The following PDE4B variants were observed in gnomAD, a reference collection of about 807,000 sequenced individuals.
PDE4B encodes phosphodiesterase 4B.
Under a neutral mutation model 82.2 loss-of-function variants are expected in PDE4B, and 20 were observed. The ratio of observed to expected loss-of-function variants is 0.24; its 90% CI spans 0.17 to 0.35. The LOEUF is 0.35. PDE4B is among the 10% of genes least tolerant of loss of function. The probability of loss-of-function intolerance (pLI) is 1.00; values close to 1 mark genes in which losing one functional copy is unlikely to be tolerated. For synonymous variants in PDE4B, 320 were observed against 318.9 expected (o/e 1.00, Z -0.04); for missense variants, 655 against 907.2 (o/e 0.72, Z 3.57).
chr1:66,113,966 A>G (rs992224486), intron 3 of PDE4B, among the ~76,000 whole-genome samples: 1 of 152,216 alleles, frequency 6.6e-6, no homozygotes, highest in Non-Finnish European at 1.5e-5. Context: ...ACGAATTGCT[A>G]TGGCCTGAAT....
chr1:66,340,883 A>G (rs902937477), intron 8 of PDE4B, among the ~76,000 whole-genome samples: 2 of 152,228 alleles, frequency 1.3e-5, no homozygotes, highest in Non-Finnish European at 2.9e-5. Context: ...ACTCAATTAT[A>G]TAGGCTATGC....
intron 3 of PDE4B, among the ~76,000 whole-genome samples, chr1:65,931,350 G>A (rs1389400727): frequency 6.6e-6 from 1 of 152,108 alleles, no homozygotes; most frequent in Non-Finnish European, 1.5e-5. Context: ...ATACAAAAAG[G>A]TATACAGTTT....
chr1:66,078,171 C>T (rs1656526063), intron 3 of PDE4B, among the ~76,000 whole-genome samples: 1 of 150,972 alleles, frequency 6.6e-6, no homozygotes, highest in Non-Finnish European at 1.5e-5. Flanking sequence ...AGACTGCTTT[C>T]TACCTTGCTT....
chr1:65,819,605 T>C (rs1319317216), intron 1 of PDE4B, among the ~76,000 whole-genome samples: 2 of 151,144 alleles, frequency 1.3e-5, no homozygotes, highest in African/African-American at 2.4e-5. Context: ...GGGTTCACGC[T>C]ATTCTCCTGC....
At chr1:66,345,068 G>T (rs492040) in intron 8 of PDE4B, among the ~76,000 whole-genome samples, 16 of 152,078 alleles carry the variant, frequency 1.1e-4, no homozygotes, top group Non-Finnish European at 2.2e-4. Flanking sequence ...CTGTGTTCTC[G>T]TATGACACTC....
intron 6 of PDE4B, among the ~76,000 whole-genome samples, chr1:66,262,357 G>A (rs1046570819): frequency 2.6e-5 from 4 of 152,192 alleles, no homozygotes; most frequent in African/African-American, 4.8e-5. Flanking sequence ...CTCAAGTGAG[G>A]AAGAAACTAG....
At chr1:66,229,087 T>A (rs1429356671) in intron 3 of PDE4B, among the ~76,000 whole-genome samples, 1 of 152,012 alleles carries the variant, frequency 6.6e-6, no homozygotes, top group Non-Finnish European at 1.5e-5. Flanking sequence ...GGCTCACTGC[T>A]AGCTCTGCCT....
Position 65,918,673 on chromosome 1 carries a change from G to A in PDE4B, c.119G>A (p.Trp40Ter). The change falls in exon 3 of 17, where the codon TGG (tryptophan) becomes TAG (stop). Residue 40 changes from tryptophan (W) to a stop codon, truncating the protein, a stop_gained. Coordinates refer to ENST00000341517, the MANE Select transcript of PDE4B (RefSeq NM_002600.4). LOFTEE classifies it high-confidence loss of function. The part of the protein sequence containing the change: ...SSSNTLGIDL[W>*]RGRRCCSGNL... ...AGTAACACACTTGGGATCGACCTCT[G>A]GAGAGGGAGAAGGTGTTGCTCAGGA... 1 of 1,613,846 alleles carries A rather than the reference G, an allele frequency of 6.2e-7. No individual in the cohort carries two copies. Among genetic ancestry groups the A allele is most frequent in the Non-Finnish European group, 8.5e-7 (1 of 1,179,758 alleles).
intron 3 of PDE4B, among the ~76,000 whole-genome samples, chr1:66,115,249 C>T (rs180685352): frequency 6.6e-6 from 1 of 152,326 alleles, no homozygotes; most frequent in Non-Finnish European, 1.5e-5. Context: ...TTCTTGCTTA[C>T]TTTCGGGTCA....
chr1:65,880,866 A>C (rs1291753313), intron 1 of PDE4B, among the ~76,000 whole-genome samples: 1 of 152,174 alleles, frequency 6.6e-6, no homozygotes, highest in Non-Finnish European at 1.5e-5. Context: ...GGGAAAATGA[A>C]GAGTAATTGA....
chr1:65,838,214 A>G (rs1438849064), intron 1 of PDE4B, among the ~76,000 whole-genome samples: 1 of 152,078 alleles, frequency 6.6e-6, no homozygotes, highest in Non-Finnish European at 1.5e-5. Flanking sequence ...AAGAACGGAC[A>G]TTATTTTTCA....
intron 3 of PDE4B, among the ~76,000 whole-genome samples, chr1:66,221,832 C>T (rs1250418532): frequency 6.6e-6 from 1 of 151,860 alleles, no homozygotes; most frequent in Non-Finnish European, 1.5e-5. Context: ...TTATTGAAAG[C>T]TTATTGAATC....
chr1:65,846,158 A>T (rs1338871609), intron 1 of PDE4B, among the ~76,000 whole-genome samples: 1 of 152,196 alleles, frequency 6.6e-6, no homozygotes, highest in African/African-American at 2.4e-5. Flanking sequence ...CCCAGGAAGC[A>T]TCCAATCAGG....
chr1:65,823,134 G>A (rs944949652), intron 1 of PDE4B, among the ~76,000 whole-genome samples: 3 of 151,630 alleles, frequency 2.0e-5, no homozygotes, highest in East Asian at 1.9e-4. Flanking sequence ...ACAGTGGCTC[G>A]TGCCTATAGT....
In PDE4B at chr1:66,283,120, A is replaced by G. The variant is rs577830024; in HGVS notation, c.634+17033A>G. 2.1e-4 allele frequency among the ~76,000 whole-genome samples: 32 copies of G among 152,252 alleles called. 1 individual carries two copies. The highest frequency in any genetic ancestry group is 4.0e-4 in the Non-Finnish European group (27 of 68,008). ...GACCTAAGCTTAAAAGCATTTTCAT[A>G]AGGAGATTCTGGAGCCACACTGCCT... On this transcript the variant is annotated intron_variant, in intron 7 of 16. Coordinates refer to ENST00000341517, the MANE Select transcript of PDE4B (RefSeq NM_002600.4).
At chr1:66,332,297 G>A in intron 7 of PDE4B, 7 of 1,535,172 alleles carry the variant, frequency 4.6e-6, no homozygotes, top group Non-Finnish European at 6.1e-6. Flanking sequence ...GGGGGTTGGG[G>A]GGAAACTTGG....
At chr1:66,212,724 C>A (rs1650160742) in intron 3 of PDE4B, among the ~76,000 whole-genome samples, 1 of 152,154 alleles carries the variant, frequency 6.6e-6, no homozygotes, top group Non-Finnish European at 1.5e-5. Context: ...AATGAACTGA[C>A]CCTAATCTTA....
intron 12 of PDE4B, among the ~76,000 whole-genome samples, chr1:66,364,346 A>G (rs1413299717): frequency 6.6e-6 from 1 of 152,184 alleles, no homozygotes; most frequent in African/African-American, 2.4e-5. Context: ...AGGAGAAACA[A>G]TATTCATATT....
intron 3 of PDE4B, among the ~76,000 whole-genome samples, chr1:66,086,132 G>A (rs536884765): frequency 1.4e-5 from 2 of 141,092 alleles, no homozygotes; most frequent in African/African-American, 2.5e-5. Context: ...TCTCCACTCC[G>A]ATGGGAAAAA....
Sources: allele counts gnomAD v4.1 joint callset (sites outside exome capture counted in the v4.1 genomes callset), GRCh38; gene constraint gnomAD v4.1.1; transcripts MANE v1.5; gene names NCBI Gene and HGNC (gene_info 2026-07-23, HGNC 2026-07-21).